The following MAP3K3 variants were observed in gnomAD, a reference collection of about 807,000 sequenced individuals.
MAP3K3 encodes the protein MAP/ERK kinase kinase 3.
MAP3K3 carries 12 observed loss-of-function variants against 80.9 expected under a neutral mutation model. That is an observed-to-expected ratio of 0.15 (90% CI 0.10 to 0.24). The LOEUF (loss-of-function observed/expected upper bound fraction) is 0.24, where lower values mean the gene tolerates loss of function less well. Ranked by LOEUF, MAP3K3 falls within the 10% of genes least tolerant of loss-of-function variation. The pLI, the probability that MAP3K3 is intolerant of heterozygous loss-of-function variation, is 1.00. For missense variants in MAP3K3, 596 were observed against 834.7 expected (o/e 0.71, Z 3.52); for synonymous variants, 272 against 307.1 (o/e 0.89, Z 1.19).
chr17:63,625,442 G>A (rs1446646207), intron 1 of MAP3K3, among the ~76,000 whole-genome samples: 7 of 152,162 alleles, frequency 4.6e-5, no homozygotes, highest in South Asian at 4.1e-4. Flanking sequence ...TTTTATAAAC[G>A]CAGTCTGAAA....
chr17:63,689,026 A>G lies in MAP3K3; in HGVS notation c.871+145A>G, dbSNP rs2035524199. 1 of 632,242 alleles carries G rather than the reference A, an allele frequency of 1.6e-6. No homozygotes were observed. Among genetic ancestry groups the G allele is most frequent in the Admixed American group, 2.9e-5 (1 of 35,084 alleles). The allele number at this position is 632,242 out of a possible 1,614,324, so 39.2% of individuals were successfully genotyped here. ...CAGACTTGAGGCATGGGAGACAGGA[A>G]AAAAACAAAAACAAAAACAGGGAAG... On this transcript the variant is annotated intron_variant, in intron 10 of 15. Transcript: ENST00000361733. This position sits in a 1 kb window ranked among gnomAD's most constrained non-coding sequence, Gnocchi z 4.3.
At chr17:63,649,091 A>G (rs1408687426) in intron 3 of MAP3K3, among the ~76,000 whole-genome samples, 10 of 152,128 alleles carry the variant, frequency 6.6e-5, no homozygotes, top group Admixed American at 6.5e-4. Context: ...ACATGTGGCT[A>G]ATGAGCACTT....
At chr17:63,675,412 G>C (rs979799203) in intron 6 of MAP3K3, among the ~76,000 whole-genome samples, 2 of 152,192 alleles carry the variant, frequency 1.3e-5, no homozygotes, top group Non-Finnish European at 2.9e-5. Context: ...AACTCCCTGC[G>C]GAGACAACTT....
intron 1 of MAP3K3, among the ~76,000 whole-genome samples, chr17:63,632,075 AT>A (rs1227206417): frequency 1.3e-5 from 2 of 152,024 alleles, no homozygotes; most frequent in African/African-American, 4.8e-5. Flanking sequence ...TCAATTTTTC[AT>A]CTATTTTTCC....
At chr17:63,670,442 G>A (rs1180613320) in intron 6 of MAP3K3, among the ~76,000 whole-genome samples, 1 of 152,000 alleles carries the variant, frequency 6.6e-6, no homozygotes, top group African/African-American at 2.4e-5. Context: ...AATTAGCTGG[G>A]CATGATGGTG....
intron 6 of MAP3K3, among the ~76,000 whole-genome samples, chr17:63,678,252 GAA>G (rs773427937): frequency 6.6e-6 from 1 of 151,082 alleles, no homozygotes; most frequent in African/African-American, 2.4e-5. Context: ...ATTTTTTTAA[GAA>G]AAAAAAATTG....
At position 63,689,833 on chromosome 17, in the gene MAP3K3, G is replaced by T; in HGVS notation, c.1063+98G>T. 1 of 1,265,764 alleles carries T rather than the reference G, an allele frequency of 7.9e-7. No individual in the cohort carries two copies. The highest frequency in any genetic ancestry group is 1.5e-5 in the African/African-American group (1 of 66,588). 78.4% of individuals were successfully genotyped at this position (1,265,764 alleles called of 1,614,324 possible). On this transcript the variant is annotated intron_variant, in intron 11 of 15. Transcript: ENST00000361733. This position sits in a 1 kb window ranked among gnomAD's most constrained non-coding sequence, Gnocchi z 4.3. The stretch of plus-strand genomic sequence containing the variant: ...GCCCCTGGGACCCTTAGGCTCAGCA[G>T]GTGGTGGCTTTGGCCCAAATGCACC...
In MAP3K3 at chr17:63,685,544, A is replaced by C. The variant is rs2035430593; in HGVS notation, c.664A>C (p.Asn222His). The change falls in exon 8 of 16, where the codon AAT (asparagine) becomes CAT (histidine). Residue 222 changes from asparagine to histidine, a missense_variant. Transcript: ENST00000361733. ...CMLDPLSSAE[N>H]SLSGSCQSLD... ...GCTGGATCCCCTGAGCAGTGCAGAA[A>C]ATTCCTTGTCTGGAAGCTGCCAATC... 1 of 1,614,024 alleles carries C rather than the reference A, an allele frequency of 6.2e-7. No individual in the cohort carries two copies. The highest frequency in any genetic ancestry group is 1.3e-5 in the African/African-American group (1 of 74,918).
At chr17:63,650,273 T>C (rs752024016) in intron 3 of MAP3K3, among the ~76,000 whole-genome samples, 1 of 152,212 alleles carries the variant, frequency 6.6e-6, no homozygotes, top group Non-Finnish European at 1.5e-5. Flanking sequence ...TTTAACTTTG[T>C]TGATGGCTTA....
At chr17:63,685,666 C>A (rs2143586248) in intron 8 of MAP3K3, 76 bp downstream of exon 8, 1 of 1,219,364 alleles carries the variant, frequency 8.2e-7, no homozygotes, top group Non-Finnish European at 1.2e-6. Flanking sequence ...GAAGAGTTAG[C>A]TCTGGAGGCC....
rs554729762 is a variant in MAP3K3 at position 63,660,379 on chromosome 17, T to C, written c.381+2472T>C. On this transcript the variant is annotated intron_variant, in intron 5 of 15. Transcript: ENST00000361733. The stretch of plus-strand genomic sequence containing the variant: ...CCCCCATGCTTGGCTTTTCTTTTTT[T>C]TTTTTTAATTGTTTGTAGAGACAGG... 9.9e-5 allele frequency among the ~76,000 whole-genome samples: 15 copies of C among 151,848 alleles called. No individual in the cohort carries two copies. In the East Asian group the frequency reaches 2.7e-3, roughly 27 times the overall value.
chr17:63,641,403 C>T (rs150070514), intron 2 of MAP3K3, among the ~76,000 whole-genome samples: 209 of 151,790 alleles, frequency 1.4e-3, no homozygotes, highest in Non-Finnish European at 2.6e-3. Context: ...CCACCACACC[C>T]GGCTAATTTT....
chr17:63,663,817 A>G (rs1289237669), intron 5 of MAP3K3, among the ~76,000 whole-genome samples: 3 of 151,836 alleles, frequency 2.0e-5, no homozygotes, highest in Non-Finnish European at 4.4e-5. Flanking sequence ...ACTTGAGCCA[A>G]GGAATTCCAG....
chr17:63,633,856 C>G (rs1194782158), intron 2 of MAP3K3, among the ~76,000 whole-genome samples: 1 of 152,124 alleles, frequency 6.6e-6, no homozygotes, highest in African/African-American at 2.4e-5. Context: ...ATCAGCTAAC[C>G]TCCTTTCTTC....
intron 5 of MAP3K3, among the ~76,000 whole-genome samples, chr17:63,660,016 G>A (rs938577256): frequency 2.6e-5 from 4 of 152,074 alleles, no homozygotes; most frequent in African/African-American, 7.2e-5. Context: ...AGAGCAGGAC[G>A]AGCAGTATAC....
chr17:63,659,581 G>A (rs1375411873), intron 5 of MAP3K3, among the ~76,000 whole-genome samples: 1 of 141,352 alleles, frequency 7.1e-6, no homozygotes, highest in Non-Finnish European at 1.5e-5. Context: ...CGCCCAGGCC[G>A]GAGTGCAGTG....
intron 4 of MAP3K3, among the ~76,000 whole-genome samples, chr17:63,656,164 A>G (rs945481391): frequency 2.6e-5 from 4 of 151,966 alleles, no homozygotes; most frequent in African/African-American, 9.7e-5. Flanking sequence ...CAGGAGGCGG[A>G]GGTTGCTGTG....
chr17:63,693,235 G>A lies in MAP3K3; in HGVS notation c.1653-314G>A, dbSNP rs184256253. On this transcript the variant is annotated intron_variant, in intron 15 of 15. Coordinates refer to ENST00000361733, the MANE Select transcript of MAP3K3 (RefSeq NM_002401.5). This position sits in a 1 kb window ranked among gnomAD's most constrained non-coding sequence, Gnocchi z 4.2. ...TTCAGAACTGTAAGATGATACATTT[G>A]TGTTGTTTTCCTGCCTCTAAGTTTG... is the stretch of plus-strand genomic sequence containing the variant. Among the ~76,000 whole-genome samples the A allele has an allele frequency of 1.4e-4, 22 of 152,332 alleles. No individual in the cohort carries two copies. The highest frequency in any genetic ancestry group is 2.6e-4 in the Non-Finnish European group (18 of 68,036).
chr17:63,661,351 T>G (rs988266102), intron 5 of MAP3K3, among the ~76,000 whole-genome samples: 1 of 152,128 alleles, frequency 6.6e-6, no homozygotes, highest in Non-Finnish European at 1.5e-5. Flanking sequence ...CTGGCCAGTC[T>G]CTTTGTCTGA....
Sources: gnomAD v4.1 joint callset for allele counts (sites outside exome capture counted in the v4.1 genomes callset) on GRCh38, gnomAD v4.1.1 for gene constraint, Gnocchi (gnomAD v3.1) non-coding constraint, MANE v1.5 for transcripts, NCBI Gene and HGNC (gene_info 2026-07-23, HGNC 2026-07-21) for gene names.